STARD3NL: variants seen among roughly 807,000 people sequenced by gnomAD.
STARD3NL encodes the protein STARD3 N-terminal like.
In STARD3NL, 17 loss-of-function variants were observed where a neutral mutation model predicts 30.9. The observed-to-expected ratio is 0.55, with a 90% confidence interval of 0.38 to 0.82. The LOEUF (loss-of-function observed/expected upper bound fraction) is 0.82, where lower values mean the gene tolerates loss of function less well. Ranked by LOEUF, STARD3NL falls within the 40% of genes least tolerant of loss-of-function variation. The pLI is 0.00. For synonymous variants in STARD3NL, 112 were observed against 100.5 expected, an observed-to-expected ratio of 1.11 and a Z score of -0.69; for missense variants, 234 against 277.6, an observed-to-expected ratio of 0.84 and a Z score of 1.12.
At chr7:38,209,229 G>A (rs888424141) in intron 2 of STARD3NL, among the ~76,000 whole-genome samples, 7 of 151,912 alleles carry the variant, frequency 4.6e-5, no homozygotes, top group Admixed American at 6.6e-5. Flanking sequence ...TTTTAAAGGA[G>A]TAATATGATT....
At chr7:38,204,021 C>T (rs1292035799) in intron 1 of STARD3NL, among the ~76,000 whole-genome samples, 2 of 152,136 alleles carry the variant, frequency 1.3e-5, no homozygotes. Context: ...CTTAGACTCC[C>T]ACACAATAAT....
chr7:38,192,019 G>A (rs1032846273), intron 1 of STARD3NL, among the ~76,000 whole-genome samples: 1 of 152,070 alleles, frequency 6.6e-6, no homozygotes, highest in African/African-American at 2.4e-5. Flanking sequence ...CATGAACATG[G>A]TATATCTCAC....
rs150678413 is a variant in STARD3NL at position 38,219,866 on chromosome 7, G to A, written c.649+206G>A. On this transcript the variant is annotated intron_variant, in intron 7 of 8. Transcript: ENST00000009041. ...GTAAAAATAAATGTCATGGAGGAGT[G>A]ATTAGACACCATGATTTGTGATATG... Among the ~76,000 whole-genome samples, 1,457 of 152,288 alleles carry A rather than the reference G, an allele frequency of 9.6e-3. 14 individuals are homozygous for A. The highest frequency in any genetic ancestry group is 0.016 in the Non-Finnish European group (1,066 of 68,028).
At chr7:38,218,743 T>A (rs1786270450) in intron 6 of STARD3NL, among the ~76,000 whole-genome samples, 1 of 152,216 alleles carries the variant, frequency 6.6e-6, no homozygotes, top group Non-Finnish European at 1.5e-5. Context: ...AGAACTTAAG[T>A]GTTGGTGGCC....
chr7:38,184,995 C>G (rs560613363), intron 1 of STARD3NL, among the ~76,000 whole-genome samples: 1 of 152,018 alleles, frequency 6.6e-6, no homozygotes, highest in South Asian at 2.1e-4. Context: ...GTTGTATTCT[C>G]TGCCTCTGTA....
chr7:38,225,040 C>T (rs1403735002), intron 7 of STARD3NL, among the ~76,000 whole-genome samples: 1 of 152,100 alleles, frequency 6.6e-6, no homozygotes, highest in Non-Finnish European at 1.5e-5. Flanking sequence ...TTGATCATAT[C>T]CCGGCTAGCA....
At chr7:38,195,991 GC>G (rs1190415633) in intron 1 of STARD3NL, among the ~76,000 whole-genome samples, 3 of 152,164 alleles carry the variant, frequency 2.0e-5, no homozygotes, top group Non-Finnish European at 4.4e-5. Context: ...AGCTTAAAGA[GC>G]CCACTTGCAA....
intron 6 of STARD3NL, 48 bp downstream of exon 6, chr7:38,217,353 C>A: frequency 6.4e-7 from 1 of 1,568,236 alleles, no homozygotes; most frequent in Non-Finnish European, 8.8e-7. Flanking sequence ...GGATACCAAG[C>A]TGGGAGGAAG....
intron 2 of STARD3NL, among the ~76,000 whole-genome samples, chr7:38,209,759 C>T (rs1232755276): frequency 6.6e-6 from 1 of 152,162 alleles, no homozygotes; most frequent in Non-Finnish European, 1.5e-5. Flanking sequence ...TGGGATCACA[C>T]TTCTCATTTC....
intron 1 of STARD3NL, among the ~76,000 whole-genome samples, chr7:38,182,132 A>G (rs1784274988): frequency 6.6e-6 from 1 of 152,184 alleles, no homozygotes; most frequent in Admixed American, 6.5e-5. Flanking sequence ...AAAAAACTTG[A>G]CAATTTGTGT....
At chr7:38,202,631 A>T (rs1277809917) in intron 1 of STARD3NL, among the ~76,000 whole-genome samples, 1 of 151,868 alleles carries the variant, frequency 6.6e-6, no homozygotes, top group Non-Finnish European at 1.5e-5. Context: ...CGTGCAGGTT[A>T]GTTACATATG....
chr7:38,216,468 TGTGTGTGTGTGTGTGA>T (rs1442387034), intron 4 of STARD3NL: 2 of 151,586 alleles, frequency 1.3e-5, no homozygotes, highest in Non-Finnish European at 2.9e-5. Context: ...TGTGTGTGTG[TGTGTGTGTGTGTGTGA>T]GTGTGTGTGT....
chr7:38,208,527 T>C (rs1785619652), intron 2 of STARD3NL, among the ~76,000 whole-genome samples: 1 of 152,208 alleles, frequency 6.6e-6, no homozygotes, highest in Non-Finnish European at 1.5e-5. Context: ...ACCCAATATA[T>C]GTGTTTTCTT....
At chr7:38,208,664 A>C (rs751584248) in intron 2 of STARD3NL, among the ~76,000 whole-genome samples, 20 of 152,136 alleles carry the variant, frequency 1.3e-4, no homozygotes, top group Non-Finnish European at 2.2e-4. Context: ...TTTCCAGGAA[A>C]TGTTTGCTAA....
Position 38,215,073 on chromosome 7 carries a change from G to T in STARD3NL, c.349G>T (p.Val117Leu), listed in dbSNP as rs940455413. 1 of 1,613,994 alleles carries T rather than the reference G, an allele frequency of 6.2e-7. No individual in the cohort carries two copies. The highest frequency in any genetic ancestry group is 8.5e-7 in the Non-Finnish European group (1 of 1,179,946). Reference protein sequence around the residue: ...RFKVLILAYAVCRLRHWWAIA... With the variant: ...RFKVLILAYALCRLRHWWAIA... ...TAAAGTGTTAATACTTGCATATGCT[G>T]TGTGCAGACTGCGCCATTGGTGGGC... The change falls in exon 4 of 9, where the codon GTG (valine) becomes TTG (leucine). Residue 117 changes from valine to leucine, a missense_variant. By Grantham distance (32) the Val-to-Leu change is conservative (BLOSUM62 1). Transcript: ENST00000009041.
intron 1 of STARD3NL, among the ~76,000 whole-genome samples, chr7:38,197,269 A>G (rs182003558): frequency 4.1e-4 from 60 of 144,766 alleles, no homozygotes; most frequent in Admixed American, 1.1e-3. Context: ...TCTGTCTCCC[A>G]AGCTAGAGTG....
intron 1 of STARD3NL, among the ~76,000 whole-genome samples, chr7:38,196,327 C>T (rs1784895985): frequency 1.3e-5 from 2 of 152,180 alleles, no homozygotes; most frequent in Non-Finnish European, 2.9e-5. Context: ...CACATTCCCT[C>T]TTCTCCTCTT....
chr7:38,211,412 A>G (rs571213817), intron 2 of STARD3NL, among the ~76,000 whole-genome samples: 5 of 152,198 alleles, frequency 3.3e-5, no homozygotes, highest in Admixed American at 3.3e-4. Context: ...ATCACGGCGC[A>G]TGGAAGTACT....
At chr7:38,196,347 G>T (rs925840318) in intron 1 of STARD3NL, among the ~76,000 whole-genome samples, 1 of 152,058 alleles carries the variant, frequency 6.6e-6, no homozygotes, top group Non-Finnish European at 1.5e-5. Context: ...TTAGACTTGA[G>T]CATGTGCCTG....
Sources: gnomAD v4.1 joint callset for allele counts (sites outside exome capture counted in the v4.1 genomes callset) on GRCh38, gnomAD v4.1.1 for gene constraint, MANE v1.5 for transcripts, NCBI Gene and HGNC (gene_info 2026-07-23, HGNC 2026-07-21) for gene names.